NCR3LG1: variants seen among roughly 807,000 people sequenced by gnomAD.
The protein encoded by NCR3LG1 is natural killer cell cytotoxicity receptor 3 ligand 1.
Under a neutral mutation model 34.8 loss-of-function variants are expected in NCR3LG1, and 35 were observed. The observed-to-expected ratio is 1.01, with a 90% CI of 0.77 to 1.33. NCR3LG1 has a LOEUF of 1.33. Among genes scored for constraint, NCR3LG1 ranks in the 40% most tolerant of loss-of-function variants. The pLI, the probability that NCR3LG1 is intolerant of heterozygous loss-of-function variation, is 0.00. For synonymous variants in NCR3LG1, 173 were observed against 163.6 expected (o/e 1.06, Z -0.44); for missense variants, 452 against 423.3 (o/e 1.07, Z -0.60).
At chr11:17,358,353 A>G (rs1045949458) in intron 2 of NCR3LG1, among the ~76,000 whole-genome samples, 2 of 152,108 alleles carry the variant, frequency 1.3e-5, no homozygotes, top group African/African-American at 4.8e-5. Context: ...TGTCCTTGAC[A>G]GTTTGGTGAG....
At position 17,372,267 on chromosome 11, in the gene NCR3LG1, C is replaced by T. The variant is rs752755298; in HGVS notation, c.1120C>T (p.Arg374Ter). 40 of 703,000 alleles carry T rather than the reference C, an allele frequency of 5.7e-5. No homozygotes were observed. Among genetic ancestry groups the T allele is most frequent in the Admixed American group, 2.6e-4 (13 of 49,990 alleles). The allele number at this position is 703,000 out of a possible 1,614,324, so 43.5% of individuals were successfully genotyped here. A position where few individuals can be genotyped will look rare whatever the true frequency, so the allele number is the denominator to read the frequency against. ...VPYVQAFFAL[R>*]DNPDLCQCCR... ...TTATGTGCAAGCCTTCTTTGCCTTG[C>T]GAGACAACCCAGATCTTTGTCAGTG... The change falls in exon 5 of 5, where the codon CGA becomes TGA. Residue 374 changes from arginine to a stop codon, truncating the protein, a stop_gained. Coordinates refer to ENST00000338965, the MANE Select transcript of NCR3LG1 (RefSeq NM_001202439.3). LOFTEE classifies it high-confidence loss of function.
rs1434281101 is a variant in NCR3LG1 at position 17,375,850 on chromosome 11, C to T, written c.*3338C>T. 1.3e-5 allele frequency: 2 copies of T among 152,118 alleles called. No homozygotes were observed. Among genetic ancestry groups the T allele is most frequent in the Non-Finnish European group, 2.9e-5 (2 of 68,024 alleles). 9.4% of individuals were successfully genotyped at this position (152,118 alleles called of 1,614,324 possible). On this transcript the variant is annotated 3_prime_UTR_variant, in exon 5 of 5. Transcript: ENST00000338965. ...AAGGGAAATAAAGCCTCAGTATTCCCCTACAGAGATAGAATGGGCCACCTC... is the reference window on the plus strand; with the variant it reads ...AAGGGAAATAAAGCCTCAGTATTCCTCTACAGAGATAGAATGGGCCACCTC...
intron 4 of NCR3LG1, among the ~76,000 whole-genome samples, chr11:17,370,905 G>A (rs1953398738): frequency 6.6e-6 from 1 of 152,178 alleles, no homozygotes; most frequent in Non-Finnish European, 1.5e-5. Context: ...AAGTCAGCAA[G>A]TGCCTTAGTA....
intron 1 of NCR3LG1, among the ~76,000 whole-genome samples, chr11:17,352,679 A>C (rs1405838800): frequency 6.6e-6 from 1 of 152,066 alleles, no homozygotes; most frequent in Non-Finnish European, 1.5e-5. Flanking sequence ...AAAATCAGGG[A>C]ATCGGTAAAT....
chr11:17,364,661 C>T (rs1195940826), intron 2 of NCR3LG1, among the ~76,000 whole-genome samples: 1 of 152,180 alleles, frequency 6.6e-6, no homozygotes, highest in Admixed American at 6.5e-5. Context: ...ATTATCCTGC[C>T]TCAGCCTCCC....
intron 2 of NCR3LG1, among the ~76,000 whole-genome samples, chr11:17,366,776 T>G (rs1245244410): frequency 6.6e-6 from 1 of 152,218 alleles, no homozygotes; most frequent in Non-Finnish European, 1.5e-5. Context: ...GATAATAAGC[T>G]AATCCCTCCC....
chr11:17,354,273 TC>T (rs1311544849), intron 1 of NCR3LG1, among the ~76,000 whole-genome samples: 2 of 152,210 alleles, frequency 1.3e-5, no homozygotes, highest in African/African-American at 4.8e-5. Flanking sequence ...TGCAGAAAAT[TC>T]CAAGGATCTA....
At chr11:17,359,599 C>A (rs1314779487) in intron 2 of NCR3LG1, among the ~76,000 whole-genome samples, 2 of 150,898 alleles carry the variant, frequency 1.3e-5, no homozygotes, top group African/African-American at 4.9e-5. Flanking sequence ...GCAACCTCCA[C>A]CTCCCAGGTT....
At chr11:17,362,255 TATG>T (rs1245771703) in intron 2 of NCR3LG1, among the ~76,000 whole-genome samples, 1 of 152,226 alleles carries the variant, frequency 6.6e-6, no homozygotes, top group African/African-American at 2.4e-5. Context: ...AGCCTGTTGA[TATG>T]ATGACTTACA....
downstream of NCR3LG1, among the ~76,000 whole-genome samples, chr11:17,378,204 TACCTGTGC>T (rs1302899377): frequency 6.6e-6 from 1 of 152,052 alleles, no homozygotes; most frequent in African/African-American, 2.4e-5. Flanking sequence ...AAGTAGGGGG[TACCTGTGC>T]ACTTTTAAAA....
At chr11:17,352,432 C>T (rs1953148375) in intron 1 of NCR3LG1, among the ~76,000 whole-genome samples, 1 of 152,122 alleles carries the variant, frequency 6.6e-6, no homozygotes, top group Admixed American at 6.5e-5. Flanking sequence ...GCCTCGGCCT[C>T]CCAAAGTGCG....
At chr11:17,353,654 G>C (rs1953168261) in intron 1 of NCR3LG1, among the ~76,000 whole-genome samples, 1 of 152,244 alleles carries the variant, frequency 6.6e-6, no homozygotes, top group African/African-American at 2.4e-5. Flanking sequence ...AGGGCCGCGA[G>C]TTCTCAGGGA....
intron 2 of NCR3LG1, among the ~76,000 whole-genome samples, chr11:17,365,979 C>T (rs2133356536): frequency 6.6e-6 from 1 of 152,280 alleles, no homozygotes; most frequent in African/African-American, 2.4e-5. Context: ...TGGCAGTTTG[C>T]CCTGTCACTT....
chr11:17,352,177 CTTTTTTTTT>C, intron 1 of NCR3LG1, 138 bp downstream of exon 1: 9 of 290,456 alleles, frequency 3.1e-5, no homozygotes, highest in South Asian at 8.0e-5. Context: ...ATTTCTTCTC[CTTTTTTTTT>C]TTTTTTTTTT....
At chr11:17,354,095 A>G (rs889980459) in intron 1 of NCR3LG1, among the ~76,000 whole-genome samples, 1 of 152,266 alleles carries the variant, frequency 6.6e-6, no homozygotes, top group Non-Finnish European at 1.5e-5. Context: ...GTTTTAAAGA[A>G]CGTTAGGTTT....
rs1953456748 is a variant in NCR3LG1, at chr11:17,374,854, A to G, written c.*2342A>G. 1 of 152,084 alleles carries G rather than the reference A, an allele frequency of 6.6e-6. No individual in the cohort carries two copies. 9.4% of individuals were successfully genotyped at this position (152,084 alleles called of 1,614,324 possible). On this transcript the variant is annotated 3_prime_UTR_variant, in exon 5 of 5. Coordinates refer to ENST00000338965, the MANE Select transcript of NCR3LG1 (RefSeq NM_001202439.3). ...ATCAGTTAAAACAAGCCTTGCTTAA[A>G]GCACCAGCCCCCAGTCTTTCTGTAG... is the stretch of plus-strand genomic sequence containing the variant.
intron 2 of NCR3LG1, among the ~76,000 whole-genome samples, chr11:17,365,344 T>A (rs1017637863): frequency 2.0e-5 from 3 of 152,230 alleles, no homozygotes; most frequent in Non-Finnish European, 2.9e-5. Context: ...TGTAGCTCTC[T>A]CACTTATAAT....
chr11:17,364,226 G>T (rs1039472582), intron 2 of NCR3LG1, among the ~76,000 whole-genome samples: 3 of 151,870 alleles, frequency 2.0e-5, no homozygotes, highest in Admixed American at 1.3e-4. Flanking sequence ...ATAGGGTCTT[G>T]CTCTGTATCC....
At chr11:17,368,446 G>A (rs1023063231) in intron 3 of NCR3LG1, among the ~76,000 whole-genome samples, 1 of 152,100 alleles carries the variant, frequency 6.6e-6, no homozygotes, top group African/African-American at 2.4e-5. Flanking sequence ...ATTATTCTTG[G>A]AAGTTAGGAC....
Sources: gnomAD v4.1 joint callset for allele counts (sites outside exome capture counted in the v4.1 genomes callset) on GRCh38, gnomAD v4.1.1 for gene constraint, MANE v1.5 for transcripts, NCBI Gene and HGNC (gene_info 2026-07-23, HGNC 2026-07-21) for gene names.